BAG4: variants seen among roughly 807,000 people sequenced by gnomAD.
BAG4 encodes the protein BAG family molecular chaperone regulator 4.
A neutral mutation model predicts 52.1 loss-of-function variants in BAG4; 28 were observed. The observed-to-expected ratio is 0.54, with a 90% CI of 0.40 to 0.74. The LOEUF (loss-of-function observed/expected upper bound fraction) is 0.74, where lower values mean the gene tolerates loss of function less well. Ranked by LOEUF, BAG4 falls within the 30% of genes least tolerant of loss-of-function variation. The pLI is 0.00. For missense variants in BAG4, 525 were observed against 572.0 expected (o/e 0.92, Z 0.84); for synonymous variants, 208 against 217.0 (o/e 0.96, Z 0.37).
intron 2 of BAG4, among the ~76,000 whole-genome samples, chr8:38,197,679 T>G (rs1163939536): frequency 1.3e-5 from 2 of 152,204 alleles, no homozygotes; most frequent in Non-Finnish European, 2.9e-5. Flanking sequence ...TGTAACTTTT[T>G]TACTTTATAA....
chr8:38,194,436 A>G (rs1402756884), intron 2 of BAG4, among the ~76,000 whole-genome samples: 3 of 76,502 alleles, frequency 3.9e-5, no homozygotes, highest in African/African-American at 5.5e-5. Context: ...TTTTTTTTTG[A>G]GATAGAGTCT....
At chr8:38,193,864 A>T (rs778479156) in intron 2 of BAG4, among the ~76,000 whole-genome samples, 1 of 150,804 alleles carries the variant, frequency 6.6e-6, no homozygotes, top group Non-Finnish European at 1.5e-5. Flanking sequence ...TCAGCCTCCC[A>T]AGTAGCTGGG....
At chr8:38,181,101 C>T (rs921942648) in intron 1 of BAG4, among the ~76,000 whole-genome samples, 4 of 151,838 alleles carry the variant, frequency 2.6e-5, no homozygotes, top group Non-Finnish European at 5.9e-5. Context: ...CCACCACGCC[C>T]GGCCAATTTT....
chr8:38,198,551 C>T (rs148294454), intron 2 of BAG4, among the ~76,000 whole-genome samples: 9,822 of 143,130 alleles, frequency 0.069, 479 homozygotes, highest in Middle Eastern at 0.13. Flanking sequence ...TGCAGTGGTG[C>T]GATCTCGGCT....
chr8:38,202,599 G>A (rs1406798892), intron 2 of BAG4, among the ~76,000 whole-genome samples: 3 of 148,380 alleles, frequency 2.0e-5, no homozygotes, highest in Non-Finnish European at 4.4e-5. Context: ...GGAGTGCAAT[G>A]GCATGATCAC....
At chr8:38,185,645 A>G (rs1803353789) in intron 1 of BAG4, among the ~76,000 whole-genome samples, 1 of 151,942 alleles carries the variant, frequency 6.6e-6, no homozygotes, top group African/African-American at 2.4e-5. Flanking sequence ...GCTTACTGCA[A>G]CCTCCACCTC....
At chr8:38,183,063 T>TTA (rs1359214509) in intron 1 of BAG4, among the ~76,000 whole-genome samples, 4 of 147,224 alleles carry the variant, frequency 2.7e-5, no homozygotes, top group African/African-American at 7.5e-5. Flanking sequence ...TTTTTTTTTT[T>TTA]AGACAGAGTC....
At chr8:38,202,834 G>A (rs1010779223) in intron 2 of BAG4, 6 of 152,228 alleles carry the variant, frequency 3.9e-5, no homozygotes, top group African/African-American at 1.4e-4. Flanking sequence ...GAGCTACCAC[G>A]CCTGGCCAAG....
At position 38,192,779 on chromosome 8, in the gene BAG4, C is replaced by A; in HGVS notation, c.362C>A (p.Pro121Gln). 6.2e-7 allele frequency: 1 copy of A among 1,606,450 alleles called. No individual in the cohort carries two copies. Among genetic ancestry groups the A allele is most frequent in the South Asian group, 1.1e-5 (1 of 89,612 alleles). Residue 121 changes from proline to glutamine, a missense_variant, in exon 2 of 5, where the codon CCA becomes CAA. Pro to Gln is a moderately conservative substitution (Grantham distance 76). Coordinates refer to ENST00000287322, the MANE Select transcript of BAG4 (RefSeq NM_004874.4). ...TACCCAAGTACATATCCTGTAAGAC[C>A]AGAATTGCAAGGCCAGGTATGGTTT... ...APYPSTYPVR[P>Q]ELQGQSLNSY...
chr8:38,177,186 G>T (rs978929146), intron 1 of BAG4, 47 bp downstream of exon 1: 1 of 1,595,422 alleles, frequency 6.3e-7, no homozygotes, highest in Non-Finnish European at 8.5e-7. Flanking sequence ...GGGCCCTTGG[G>T]GCTGGGGTTC....
intron 1 of BAG4, among the ~76,000 whole-genome samples, chr8:38,186,649 A>G (rs1803370268): frequency 6.6e-6 from 1 of 152,154 alleles, no homozygotes; most frequent in Non-Finnish European, 1.5e-5. Context: ...GACCTTGGGA[A>G]CTAACTGTCC....
At chr8:38,202,801 C>T (rs1001593836) in intron 2 of BAG4, 1 of 152,162 alleles carries the variant, frequency 6.6e-6, no homozygotes, top group African/African-American at 2.4e-5. Flanking sequence ...CTTGGTCTCC[C>T]AAAGTGCTAG....
At position 38,176,941 on chromosome 8, in the gene BAG4, G is replaced by T; in HGVS notation, c.72G>T (p.Gly24=). The T allele has an allele frequency of 6.4e-7, 1 of 1,555,242 alleles. No individual in the cohort carries two copies. Among genetic ancestry groups the T allele is most frequent in the Non-Finnish European group, 8.7e-7 (1 of 1,149,708 alleles). ...CCTACGGCCGCTACTACGGGCCTGG[G>T]GGTGGAGATGTGCCGGTACACCCAC... is the stretch of plus-strand genomic sequence containing the variant. ...GPSYGRYYGP[G]GGDVPVHPPP... Residue 24 remains glycine, a synonymous_variant, in exon 1 of 5, where the codon GGG becomes GGT. Transcript: ENST00000287322.
chr8:38,209,514 G>T, intron 4 of BAG4: 1 of 527,290 alleles, frequency 1.9e-6, no homozygotes, highest in African/African-American at 1.9e-5. Flanking sequence ...TCTGTTTGTT[G>T]TAATTCTTCT....
At chr8:38,201,500 A>G (rs1803661613) in intron 2 of BAG4, among the ~76,000 whole-genome samples, 1 of 151,792 alleles carries the variant, frequency 6.6e-6, no homozygotes. Flanking sequence ...ATGGGGTCTC[A>G]TTATGTTGCC....
Position 38,210,698 on chromosome 8 carries a change from A to C in BAG4, c.*205A>C. The stretch of plus-strand genomic sequence containing the variant: ...TTTCAGTTTTCAGACGAATGAATGT[A>C]ATAGGAAACTATGGAGTTACCAATA... On this transcript the variant is annotated 3_prime_UTR_variant, in exon 5 of 5. Transcript: ENST00000287322. 1 of 616,654 alleles carries C rather than the reference A, an allele frequency of 1.6e-6. No homozygotes were observed. The highest frequency in any genetic ancestry group is 2.5e-6 in the Non-Finnish European group (1 of 401,582). The allele number at this position is 616,654 out of a possible 1,614,324, so 38.2% of individuals were successfully genotyped here.
rs778637051 is a variant in BAG4 at position 38,192,802 on chromosome 8, T to C, written c.378+7T>C. 3.2e-6 allele frequency: 5 copies of C among 1,564,278 alleles called. No homozygotes were observed. In the East Asian group the frequency reaches 1.1e-4, roughly 35 times the overall value. The stretch of plus-strand genomic sequence containing the variant: ...ACCAGAATTGCAAGGCCAGGTATGG[T>C]TTAAAAACAGAGACTTTCTGAACTT... On this transcript the variant is annotated splice_region_variant and intron_variant, in intron 2 of 4. Transcript: ENST00000287322.
At chr8:38,195,956 C>T (rs2130678169) in intron 2 of BAG4, among the ~76,000 whole-genome samples, 1 of 152,266 alleles carries the variant, frequency 6.6e-6, no homozygotes, top group African/African-American at 2.4e-5. Context: ...ACTTTTTTAT[C>T]TCTCAGGATT....
intron 2 of BAG4, among the ~76,000 whole-genome samples, chr8:38,200,684 C>T (rs1217975543): frequency 2.0e-5 from 3 of 152,108 alleles, no homozygotes; most frequent in Non-Finnish European, 4.4e-5. Flanking sequence ...CAGCAACCTC[C>T]ACCTCCCGAG....
Sources: allele counts gnomAD v4.1 joint callset (sites outside exome capture counted in the v4.1 genomes callset), GRCh38; gene constraint gnomAD v4.1.1; transcripts MANE v1.5; gene names NCBI Gene and HGNC (gene_info 2026-07-23, HGNC 2026-07-21).